Variants in MGAT4C observed in about 807,000 individuals in gnomAD.
MGAT4C encodes alpha-1,3-mannosyl-glycoprotein 4-beta-N-acetylglucosaminyltransferase C.
Under a neutral mutation model 40.1 loss-of-function variants are expected in MGAT4C, and 19 were observed. That is an observed-to-expected ratio of 0.47 (90% CI 0.33 to 0.70). The LOEUF is 0.70. Ranked by LOEUF, MGAT4C falls within the 30% of genes least tolerant of loss-of-function variation. The probability of loss-of-function intolerance (pLI) is 0.02; values close to 1 mark genes in which losing one functional copy is unlikely to be tolerated. For synonymous variants in MGAT4C, 181 were observed against 187.1 expected, an observed-to-expected ratio of 0.97 and a Z score of 0.27; for missense variants, 491 against 563.2, an observed-to-expected ratio of 0.87 and a Z score of 1.30.
chr12:86,473,108 T>G (rs911582955), intron 2 of MGAT4C, among the ~76,000 whole-genome samples: 6 of 152,000 alleles, frequency 3.9e-5, no homozygotes, highest in Non-Finnish European at 8.8e-5. Context: ...AGCATACGCC[T>G]CCACGTCCGG....
At chr12:86,163,200 T>A (rs565017128) in intron 1 of MGAT4C, among the ~76,000 whole-genome samples, 1 of 151,508 alleles carries the variant, frequency 6.6e-6, no homozygotes, top group Non-Finnish European at 1.5e-5. Context: ...GAAATCATCC[T>A]CCCCCCCTTT....
intron 1 of MGAT4C, among the ~76,000 whole-genome samples, chr12:86,058,396 A>T (rs144725178): frequency 6.6e-6 from 1 of 152,140 alleles, no homozygotes; most frequent in South Asian, 2.1e-4. Context: ...AGCAAGAAAA[A>T]TGAACTCAAT....
Position 86,519,001 on chromosome 12 carries a change from C to A in MGAT4C, c.-228-83736G>T, listed in dbSNP as rs368919064. ...CATTCTAGAAAAGACAAATTTAATTCAGAAAAACACCAGGTGAGTAGTGCC... is the reference window on the plus strand; with the variant it reads ...CATTCTAGAAAAGACAAATTTAATTAAGAAAAACACCAGGTGAGTAGTGCC... On this transcript the variant is annotated intron_variant, in intron 2 of 7. Coordinates refer to the MGAT4C transcript ENST00000548651. Among the ~76,000 whole-genome samples, 3 of 152,116 alleles carry A rather than the reference C, an allele frequency of 2.0e-5. No homozygotes were observed. In the South Asian group the frequency reaches 6.2e-4, roughly 32 times the overall value.
intron 1 of MGAT4C, among the ~76,000 whole-genome samples, chr12:86,738,526 C>A (rs1304612168): frequency 6.6e-6 from 1 of 151,214 alleles, no homozygotes; most frequent in Non-Finnish European, 1.5e-5. Flanking sequence ...AGCAGGTACT[C>A]AATTAATATT....
At chr12:86,097,619 T>C (rs2135587496) in intron 1 of MGAT4C, among the ~76,000 whole-genome samples, 1 of 151,666 alleles carries the variant, frequency 6.6e-6, no homozygotes. Context: ...TTGCCATGGA[T>C]TTAGAAATTT....
At chr12:86,821,598 A>C (rs1432345645) in intron 1 of MGAT4C, among the ~76,000 whole-genome samples, 1 of 150,934 alleles carries the variant, frequency 6.6e-6, no homozygotes, top group Non-Finnish European at 1.5e-5. Flanking sequence ...ACTATATCTT[A>C]TTCCATCTAT....
chr12:86,561,026 A>G (rs1334820967), intron 2 of MGAT4C, among the ~76,000 whole-genome samples: 6 of 152,160 alleles, frequency 3.9e-5, no homozygotes, highest in Non-Finnish European at 7.4e-5. Context: ...AAAAGAAACT[A>G]AAAAAGCACT....
chr12:86,465,206 T>A (rs931371143), intron 2 of MGAT4C, among the ~76,000 whole-genome samples: 7 of 152,132 alleles, frequency 4.6e-5, no homozygotes, highest in Non-Finnish European at 1.0e-4. Flanking sequence ...ATAAGCCATA[T>A]ACCCTTCACA....
At chr12:86,105,624 TTATTAATGC>T (rs774537325) in intron 1 of MGAT4C, among the ~76,000 whole-genome samples, 27 of 152,284 alleles carry the variant, frequency 1.8e-4, no homozygotes, top group Middle Eastern at 6.8e-3. Flanking sequence ...ACTGTACTTT[TTATTAATGC>T]AAGTACAAAT....
intron 2 of MGAT4C, among the ~76,000 whole-genome samples, chr12:86,492,924 T>C (rs1391326172): frequency 1.3e-5 from 2 of 152,012 alleles, no homozygotes; most frequent in South Asian, 4.1e-4. Flanking sequence ...ATCCAGAACC[T>C]ACAATGAACT....
chr12:86,734,069 T>G (rs1200209796), intron 1 of MGAT4C, among the ~76,000 whole-genome samples: 1 of 152,042 alleles, frequency 6.6e-6, no homozygotes, highest in Non-Finnish European at 1.5e-5. Flanking sequence ...TGGCAACAAG[T>G]TATTAATTGG....
intron 2 of MGAT4C, among the ~76,000 whole-genome samples, chr12:86,645,141 G>A (rs1393445194): frequency 6.6e-6 from 1 of 151,356 alleles, no homozygotes; most frequent in African/African-American, 2.4e-5. Context: ...GTTCATAGCT[G>A]AAAAATGCAT....
intron 4 of MGAT4C, among the ~76,000 whole-genome samples, chr12:86,302,720 C>T (rs1032449828): frequency 1.3e-5 from 2 of 150,598 alleles, no homozygotes; most frequent in African/African-American, 5.0e-5. Flanking sequence ...TGAGCCACCG[C>T]ACCAGGACAG....
At chr12:86,753,284 C>T (rs2136143507) in intron 1 of MGAT4C, among the ~76,000 whole-genome samples, 1 of 152,268 alleles carries the variant, frequency 6.6e-6, no homozygotes, top group Non-Finnish European at 1.5e-5. Flanking sequence ...TAAAGGCATT[C>T]TTAAGCTACA....
chr12:86,395,872 A>C (rs1181466962), intron 3 of MGAT4C, among the ~76,000 whole-genome samples: 1 of 152,180 alleles, frequency 6.6e-6, no homozygotes, highest in Admixed American at 6.5e-5. Context: ...TAATTCAATT[A>C]GTACCAGGAG....
At chr12:86,476,168 G>T (rs1299566942) in intron 2 of MGAT4C, among the ~76,000 whole-genome samples, 2 of 152,032 alleles carry the variant, frequency 1.3e-5, no homozygotes, top group Admixed American at 6.6e-5. Context: ...TGTAGACCAA[G>T]GGTAGATTCA....
chr12:86,204,671 T>C (rs1005868539), intron 1 of MGAT4C, among the ~76,000 whole-genome samples: 1 of 152,124 alleles, frequency 6.6e-6, no homozygotes, highest in Non-Finnish European at 1.5e-5. Flanking sequence ...CTTAGGCTGA[T>C]CATTTTCCTT....
rs570845990 is a variant in MGAT4C at position 86,017,342 on chromosome 12, T to C, written c.-6-27790A>G. Among the ~76,000 whole-genome samples the C allele has an allele frequency of 3.3e-5, 5 of 152,246 alleles. No homozygotes were observed. The East Asian group carries it at 7.7e-4, about 24-fold the overall frequency. ...AACTTGCTTAAGAGTTTCCCTGATATGACCCAGATCTGTAATGTTATTTTG... is the reference window on the plus strand; with the variant it reads ...AACTTGCTTAAGAGTTTCCCTGATACGACCCAGATCTGTAATGTTATTTTG... On this transcript the variant is annotated intron_variant, in intron 2 of 4. Coordinates refer to ENST00000611864, the MANE Select transcript of MGAT4C (RefSeq NM_001351288.2).
At chr12:86,084,434 T>C (rs558713252) in intron 1 of MGAT4C, among the ~76,000 whole-genome samples, 1 of 152,208 alleles carries the variant, frequency 6.6e-6, no homozygotes, top group East Asian at 1.9e-4. Context: ...ATGTGAATCA[T>C]GTAAATGTTG....
Sources: gnomAD v4.1 joint callset for allele counts (sites outside exome capture counted in the v4.1 genomes callset) on GRCh38, gnomAD v4.1.1 for gene constraint, MANE v1.5 for transcripts, NCBI Gene and HGNC (gene_info 2026-07-23, HGNC 2026-07-21) for gene names.